Variants in PDE6C observed in about 807,000 individuals in gnomAD.
PDE6C encodes phosphodiesterase 6C, also known as cone cGMP-specific 3',5'-cyclic phosphodiesterase subunit alpha'.
In PDE6C, 75 loss-of-function variants were observed where a neutral mutation model predicts 113.1. The observed-to-expected ratio is 0.66, with a 90% CI of 0.55 to 0.80. The LOEUF is 0.80. Among genes scored for constraint, PDE6C ranks in the 30% least tolerant of loss-of-function variants. The pLI, the probability that PDE6C is intolerant of heterozygous loss-of-function variation, is 0.00. For synonymous variants in PDE6C, 375 were observed against 363.7 expected, an observed-to-expected ratio of 1.03 and a Z score of -0.35; for missense variants, 912 against 1,038.6, an observed-to-expected ratio of 0.88 and a Z score of 1.67.
chr10:93,662,601 T>C lies in PDE6C; in HGVS notation c.2325T>C (p.Leu775=). ...ACAAAAGAGATGAATTACCTAAACT[T>C]CAAGTTGGATTTATTGATTTTGTTT... ...DRNKRDELPK[L]QVGFIDFVCT... The change falls in exon 20 of 22, where the codon CTT becomes CTC. Residue 775 remains leucine (L), a synonymous_variant. Transcript: ENST00000371447. The C allele has an allele frequency of 6.7e-7, 1 of 1,502,124 alleles. No individual in the cohort carries two copies. Among genetic ancestry groups the C allele is most frequent in the Non-Finnish European group, 9.3e-7 (1 of 1,077,980 alleles). 93.0% of individuals were successfully genotyped at this position (1,502,124 alleles called of 1,614,324 possible).
intron 15 of PDE6C, among the ~76,000 whole-genome samples, chr10:93,653,147 G>A (rs1187335039): frequency 1.3e-5 from 2 of 152,108 alleles, no homozygotes; most frequent in East Asian, 3.9e-4. Flanking sequence ...ATGTCAGTAT[G>A]CCACTGGATC....
In PDE6C at chr10:93,613,082, C is replaced by T; in HGVS notation, c.357C>T (p.Pro119=). 1.2e-6 allele frequency: 2 copies of T among 1,614,200 alleles called. No homozygotes were observed. Among genetic ancestry groups the T allele is most frequent in the South Asian group, 2.2e-5 (2 of 91,084 alleles). Residue 119 remains proline, a synonymous_variant, in exon 1 of 22, where the codon CCC becomes CCT. Coordinates refer to ENST00000371447, the MANE Select transcript of PDE6C (RefSeq NM_006204.4). ...CCTCTAGGTTGCTGGATGTCACCCC[C>T]ACCTCCAAGTTTGAGGACAACCTGG... ...EVASRLLDVT[P]TSKFEDNLVG... is the part of the protein sequence containing the mutation.
intron 11 of PDE6C, among the ~76,000 whole-genome samples, chr10:93,639,173 C>T (rs1420970141): frequency 6.6e-6 from 1 of 152,200 alleles, no homozygotes; most frequent in Non-Finnish European, 1.5e-5. Flanking sequence ...TCTCCGCTTC[C>T]TTCTGCCAGC....
At chr10:93,632,404 C>T (rs1428824543) in intron 8 of PDE6C, among the ~76,000 whole-genome samples, 2 of 152,286 alleles carry the variant, frequency 1.3e-5, no homozygotes, top group South Asian at 2.1e-4. Context: ...CTTCCTTTAA[C>T]GTCAATTAAA....
chr10:93,636,871 G>T, intron 10 of PDE6C, 124 bp from the exon 11 acceptor site: 2 of 680,180 alleles, frequency 2.9e-6, no homozygotes, highest in Non-Finnish European at 5.3e-6. Flanking sequence ...GGGCTCCAGG[G>T]ATCTTCCCGC....
intron 8 of PDE6C, among the ~76,000 whole-genome samples, chr10:93,631,682 C>A (rs1337553786): frequency 6.6e-6 from 1 of 152,244 alleles, no homozygotes; most frequent in Non-Finnish European, 1.5e-5. Context: ...CCACCACCCT[C>A]CTTTTGTGCT....
At chr10:93,652,602 G>C (rs1376671320) in intron 15 of PDE6C, among the ~76,000 whole-genome samples, 1 of 152,114 alleles carries the variant, frequency 6.6e-6, no homozygotes, top group African/African-American at 2.4e-5. Flanking sequence ...AAGTAAGATA[G>C]TTTTTGATAA....
chr10:93,655,634 G>GAAAACAAAAAAAAAA, intron 15 of PDE6C, 126 bp from the exon 16 acceptor site: 1 of 527,718 alleles, frequency 1.9e-6, no homozygotes, highest in Non-Finnish European at 3.4e-6. Flanking sequence ...AAAAAGGAAG[G>GAAAACAAAAAAAAAA]AAAACAAAAA....
intron 5 of PDE6C, among the ~76,000 whole-genome samples, chr10:93,626,229 T>C (rs2058472420): frequency 6.6e-6 from 1 of 152,238 alleles, no homozygotes; most frequent in Non-Finnish European, 1.5e-5. Flanking sequence ...CGGGTCACTA[T>C]ATATAATGTA....
At chr10:93,662,460 CAAAAAAAAAAA>C in intron 19 of PDE6C, 89 bp from the exon 20 acceptor site, 2 of 317,268 alleles carry the variant, frequency 6.3e-6, no homozygotes, top group Admixed American at 5.2e-5. Context: ...GACTCTGCCT[CAAAAAAAAAAA>C]AAAAAAAAAA....
chr10:93,621,397 GA>G lies in PDE6C; in HGVS notation c.723+418del, dbSNP rs750845901. ...TATTCCTAACTCCATGAGACAGAGG[GA>G]TAAAGGGCACTATTAGTACCTAAGA... On this transcript the variant is annotated intron_variant, in intron 3 of 21. Coordinates refer to ENST00000371447, the MANE Select transcript of PDE6C (RefSeq NM_006204.4). Among the ~76,000 whole-genome samples, 306 of 152,304 alleles carry G rather than the reference GA, an allele frequency of 2.0e-3. 2 individuals are homozygous for G. The highest frequency in any genetic ancestry group is 1.5e-3 in the Non-Finnish European group (103 of 68,014).
rs148841123 is a variant in PDE6C, at chr10:93,628,540, G to T, written c.1072-718G>T. 1.7e-3 allele frequency among the ~76,000 whole-genome samples: 261 copies of T among 152,174 alleles called. 1 individual carries two copies. Among genetic ancestry groups the T allele is most frequent in the African/African-American group, 6.0e-3 (251 of 41,526 alleles). On this transcript the variant is annotated intron_variant, in intron 7 of 21. Transcript: ENST00000371447. The stretch of plus-strand genomic sequence containing the variant: ...GTGGAGGTTGCAGAGAGCTGAGATC[G>T]CGCCATTGCACTCCAGCCTGGGAAA...
In PDE6C at chr10:93,621,130, A is replaced by G; in HGVS notation, c.723+150A>G. On this transcript the variant is annotated intron_variant, in intron 3 of 21. Transcript: ENST00000371447. ...CTTCAGTCCCACGTGTCCTCTCATG[A>G]TCTTCCCGCCACTCTCCCCACACAC... 4.5e-6 allele frequency: 3 copies of G among 664,728 alleles called. No homozygotes were observed. The South Asian group carries it at 5.2e-5, about 12-fold the overall frequency. 41.2% of individuals were successfully genotyped at this position (664,728 alleles called of 1,614,324 possible).
intron 4 of PDE6C, among the ~76,000 whole-genome samples, chr10:93,622,652 T>G (rs1191748898): frequency 6.9e-5 from 3 of 43,654 alleles, no homozygotes; most frequent in African/African-American, 1.8e-4. Context: ...TTTTTTTTGT[T>G]TTTTTTTTTG....
intron 10 of PDE6C, 78 bp downstream of exon 10, chr10:93,635,718 G>T: frequency 6.8e-7 from 1 of 1,470,248 alleles, no homozygotes; most frequent in South Asian, 1.1e-5. Context: ...TTACCCAGGG[G>T]TCTGACAAAT....
At chr10:93,634,715 T>C in intron 8 of PDE6C, 43 bp from the exon 9 acceptor site, 3 of 1,610,252 alleles carry the variant, frequency 1.9e-6, no homozygotes, top group Non-Finnish European at 2.5e-6. Context: ...TATTTCAAAC[T>C]AAAAAGGCAA....
chr10:93,624,448 G>A (rs2058462738), intron 4 of PDE6C, among the ~76,000 whole-genome samples: 1 of 152,140 alleles, frequency 6.6e-6, no homozygotes, highest in South Asian at 2.1e-4. Context: ...ACGTTGGCCA[G>A]ACTGGTCTCG....
rs547163843 is a variant in PDE6C at position 93,643,873 on chromosome 10, TA to T, written c.1848-2082del. Among the ~76,000 whole-genome samples, 654 of 152,290 alleles carry T rather than the reference TA, an allele frequency of 4.3e-3. 6 individuals are homozygous for T. The highest frequency in any genetic ancestry group is 6.3e-3 in the Non-Finnish European group (429 of 68,008). ...ATATTACCTAATATAAAGTGTTTTT[TA>T]AAAATTTTCCAATTACCACAATAAT... On this transcript the variant is annotated intron_variant, in intron 14 of 21. Transcript: ENST00000371447.
chr10:93,617,250 T>A (rs677517), intron 1 of PDE6C, among the ~76,000 whole-genome samples: 61,422 of 152,034 alleles, frequency 0.4, 13,473 homozygotes, highest in Non-Finnish European at 0.49. Context: ...TCGCTAAGGA[T>A]TTTTTGAGCT....
Sources: gnomAD v4.1 joint callset for allele counts (sites outside exome capture counted in the v4.1 genomes callset) on GRCh38, gnomAD v4.1.1 for gene constraint, MANE v1.5 for transcripts, NCBI Gene and HGNC (gene_info 2026-07-23, HGNC 2026-07-21) for gene names.